Variants in GLYR1 observed in about 807,000 individuals in gnomAD.
GLYR1 encodes glyoxylate reductase 1 homolog.
Under a neutral mutation model 72.7 loss-of-function variants are expected in GLYR1, and 21 were observed. That is an observed-to-expected ratio of 0.29 (90% CI 0.20 to 0.42). The LOEUF is 0.42. Ranked by LOEUF, GLYR1 falls within the 10% of genes least tolerant of loss-of-function variation. The pLI is 1.00. For synonymous variants in GLYR1, 392 were observed against 270.2 expected (o/e 1.45, Z -4.42); for missense variants, 594 against 712.1 (o/e 0.83, Z 1.89).
chr16:4,815,427 T>C (rs1002480709), intron 10 of GLYR1, among the ~76,000 whole-genome samples: 1 of 152,352 alleles, frequency 6.6e-6, no homozygotes, highest in African/African-American at 2.4e-5. Context: ...TGGTTGACTA[T>C]GGAAAACTTC....
chr16:4,807,590 G>A (rs2083065159), intron 15 of GLYR1, among the ~76,000 whole-genome samples: 1 of 152,148 alleles, frequency 6.6e-6, no homozygotes, highest in Non-Finnish European at 1.5e-5. Flanking sequence ...TAACAGTATA[G>A]AGTCTAAGCT....
At position 4,817,920 on chromosome 16, in the gene GLYR1, T is replaced by G. The variant is rs1452471211; in HGVS notation, c.807-223A>C. 6 of 515,792 alleles carry G rather than the reference T, an allele frequency of 1.2e-5. No homozygotes were observed. The East Asian group carries it at 2.0e-4, about 17-fold the overall frequency. The allele number at this position is 515,792 out of a possible 1,614,324, so 32.0% of individuals were successfully genotyped here. A position where few individuals can be genotyped will look rare whatever the true frequency, so the allele number is the denominator to read the frequency against. ...CTGTCCCAGGATGTAAACAGGCATT[T>G]TGAAACCCCTGACTGTCACAGAAAA... On this transcript the variant is annotated intron_variant, in intron 9 of 15. Transcript: ENST00000321919.
intron 4 of GLYR1, 47 bp from the exon 5 acceptor site, chr16:4,832,268 C>A: frequency 6.2e-7 from 1 of 1,602,328 alleles, no homozygotes. Context: ...CAGCTGCTGC[C>A]GCCATCGCCA....
chr16:4,820,757 A>C (rs2083960451), intron 9 of GLYR1, among the ~76,000 whole-genome samples: 1 of 152,218 alleles, frequency 6.6e-6, no homozygotes, highest in Non-Finnish European at 1.5e-5. Context: ...CTTTTTGCCA[A>C]CAAGACTCTG....
In GLYR1 at chr16:4,804,010, G is replaced by C. The variant is rs993298934; in HGVS notation, c.*1226C>G. The C allele has an allele frequency of 6.6e-6, 1 of 152,156 alleles. No homozygotes were observed. Among genetic ancestry groups the C allele is most frequent in the African/African-American group, 2.4e-5 (1 of 41,412 alleles). The allele number at this position is 152,156 out of a possible 1,614,324, so 9.4% of individuals were successfully genotyped here. On this transcript the variant is annotated 3_prime_UTR_variant, in exon 16 of 16. Coordinates refer to ENST00000321919, the MANE Select transcript of GLYR1 (RefSeq NM_032569.4). ...TCGGAGGGCCAGTCAGTTCAGGTAG[G>C]TCAGGCCCAGTTCTCTTCCCTCCCG...
chr16:4,811,823 C>T (rs777494249), intron 13 of GLYR1, 21 bp from the exon 14 acceptor site: 19 of 1,602,644 alleles, frequency 1.2e-5, no homozygotes, highest in Middle Eastern at 1.7e-4. Context: ...TAAAGACTCA[C>T]GGTCACAGCC....
intron 3 of GLYR1, chr16:4,843,532 C>T (rs951089547): frequency 2.1e-5 from 27 of 1,288,254 alleles, no homozygotes; most frequent in African/African-American, 1.4e-4. Flanking sequence ...TCCAGGCCAG[C>T]GATCTCCTTG....
intron 7 of GLYR1, among the ~76,000 whole-genome samples, chr16:4,822,273 G>C (rs1315868058): frequency 6.6e-6 from 1 of 152,046 alleles, no homozygotes; most frequent in Admixed American, 6.6e-5. Flanking sequence ...TTTCAGTAGA[G>C]ATGGGGTTTC....
intron 5 of GLYR1, among the ~76,000 whole-genome samples, chr16:4,829,197 C>G (rs1189071593): frequency 1.3e-5 from 2 of 152,058 alleles, no homozygotes; most frequent in Admixed American, 1.3e-4. Context: ...TGTCTCTCAC[C>G]AGAGGCCTCA....
intron 3 of GLYR1, among the ~76,000 whole-genome samples, chr16:4,844,355 T>G (rs1031437895): frequency 1.3e-5 from 2 of 150,252 alleles, no homozygotes; most frequent in Non-Finnish European, 3.0e-5. Context: ...CACTTAGTTT[T>G]ACACATGAGA....
chr16:4,826,675 A>G (rs74916658), intron 5 of GLYR1, among the ~76,000 whole-genome samples: 4,123 of 152,360 alleles, frequency 0.027, 178 homozygotes, highest in African/African-American at 0.093. Flanking sequence ...ATATTCTGCA[A>G]TGATGGGCGT....
intron 15 of GLYR1, among the ~76,000 whole-genome samples, chr16:4,806,399 C>T (rs926651848): frequency 6.6e-6 from 1 of 152,016 alleles, no homozygotes; most frequent in African/African-American, 2.4e-5. Context: ...CTCTGTTGCC[C>T]AGGCTGGAGT....
rs372798176 is a variant in GLYR1, at chr16:4,813,784, C to T, written c.1072G>A (p.Val358Met). The T allele has an allele frequency of 1.9e-6, 3 of 1,612,936 alleles. No homozygotes were observed. The highest frequency in any genetic ancestry group is 2.2e-5 in the East Asian group (1 of 44,856). The change falls in exon 12 of 16, where the codon GTG becomes ATG. Residue 358 changes from valine (V) to methionine (M), a missense_variant. Val to Met is a conservative substitution (Grantham distance 21). Around this residue, in one of 5 missense-constraint regions of GLYR1, gnomAD observed 266 missense variants for 358.4 expected, o/e 0.74. Transcript: ENST00000321919. ...TCAGCGTCCACTGTTGACATGTCCA[C>T]GTAGCACTTCCCAGGGCGGATCCCT... is the stretch of plus-strand genomic sequence containing the variant. ...LQGIRPGKCY[V>M]DMSTVDADTV...
chr16:4,844,086 C>T (rs1210415792), intron 3 of GLYR1, among the ~76,000 whole-genome samples: 1 of 147,276 alleles, frequency 6.8e-6, no homozygotes, highest in South Asian at 2.2e-4. Flanking sequence ...TGCACTCCAG[C>T]CTGGGTGACA....
At position 4,812,268 on chromosome 16, in the gene GLYR1, C is replaced by G. The variant is rs764770034; in HGVS notation, c.1120-20G>C. On this transcript the variant is annotated intron_variant, in intron 12 of 15. Coordinates refer to ENST00000321919, the MANE Select transcript of GLYR1 (RefSeq NM_032569.4). ...AATCACCTGGAAAGAAAAGTCACAG[C>G]TTCTGGAGGCCTCCCCTCTCCCAGC... 3 of 1,606,294 alleles carry G rather than the reference C, an allele frequency of 1.9e-6. No homozygotes were observed. The Admixed American group carries it at 5.1e-5, about 27-fold the overall frequency.
intron 4 of GLYR1, 182 bp from the exon 5 acceptor site, chr16:4,832,403 C>G (rs967221448): frequency 2.8e-6 from 2 of 721,680 alleles, no homozygotes; most frequent in East Asian, 2.8e-5. Context: ...ATATATATAT[C>G]AAAAGTCACT....
chr16:4,835,683 T>G (rs181308866), intron 3 of GLYR1, among the ~76,000 whole-genome samples: 1 of 152,162 alleles, frequency 6.6e-6, no homozygotes, highest in East Asian at 1.9e-4. Context: ...ATATAAAAAT[T>G]AGCTGGGTGT....
chr16:4,814,035 C>G (rs1455493866), intron 11 of GLYR1, 197 bp from the exon 12 acceptor site: 7 of 467,790 alleles, frequency 1.5e-5, no homozygotes, highest in Non-Finnish European at 2.6e-5. Context: ...TAAAAAGAAT[C>G]TATGTGAGTG....
rs777029860 is a variant in GLYR1, at chr16:4,805,314, G to GA, written c.1588-5dup. On this transcript the variant is annotated splice_polypyrimidine_tract_variant and splice_region_variant and intron_variant, in intron 15 of 15. Transcript: ENST00000321919. ...GCGCCTTGGCTCTTTTGTACACCTGGAAAAAAAAGAGATGGCTCAGTCTCT... is the reference window on the plus strand; with the variant it reads ...GCGCCTTGGCTCTTTTGTACACCTGGAAAAAAAAAGAGATGGCTCAGTCTCT... 1.5e-4 allele frequency: 234 copies of GA among 1,605,452 alleles called. No homozygotes were observed. The highest frequency in any genetic ancestry group is 2.0e-4 in the Non-Finnish European group (229 of 1,174,132).
Sources: allele counts gnomAD v4.1 joint callset (sites outside exome capture counted in the v4.1 genomes callset), GRCh38; gene constraint gnomAD v4.1.1; regional missense constraint gnomAD v4.1.1; transcripts MANE v1.5; gene names NCBI Gene and HGNC (gene_info 2026-07-23, HGNC 2026-07-21).